The following RAD52 variants were observed in gnomAD, a reference collection of about 807,000 sequenced individuals.
RAD52 encodes the protein RAD52 DNA repair protein, also known as DNA repair protein RAD52 homolog.
Under a neutral mutation model 55.5 loss-of-function variants are expected in RAD52, and 47 were observed. The observed-to-expected ratio is 0.85, with a 90% CI of 0.67 to 1.08. The LOEUF (loss-of-function observed/expected upper bound fraction) is 1.08, where lower values mean the gene tolerates loss of function less well. Ranked by LOEUF, RAD52 falls within the 50% of genes least tolerant of loss-of-function variation. The probability of loss-of-function intolerance (pLI) is 0.00; values close to 1 mark genes in which losing one functional copy is unlikely to be tolerated. For synonymous variants in RAD52, 184 were observed against 198.9 expected (o/e 0.92, Z 0.63); for missense variants, 468 against 522.8 (o/e 0.90, Z 1.02).
At chr12:973,245 A>AT (rs1958891047) in intron 1 of RAD52, among the ~76,000 whole-genome samples, 1 of 150,826 alleles carries the variant, frequency 6.6e-6, no homozygotes, top group Non-Finnish European at 1.5e-5. Flanking sequence ...AAGTTTTTGT[A>AT]TTTTTAGTAG....
At chr12:926,755 C>A (rs945777126) in intron 6 of RAD52, 1 of 1,507,184 alleles carries the variant, frequency 6.6e-7, no homozygotes, top group South Asian at 1.2e-5. Context: ...TGGACTAACA[C>A]GGACATCTGC....
At chr12:991,080 CCCGGGCCG>C (rs1218729014), upstream of RAD52, 2 of 151,598 alleles carry the variant, frequency 1.3e-5, no homozygotes, top group Non-Finnish European at 3.0e-5. Context: ...CCCGGAGGCC[CCCGGGCCG>C]CCGCGTCACG....
At chr12:965,861 A>G (rs1592479332) in intron 1 of RAD52, among the ~76,000 whole-genome samples, 1 of 152,020 alleles carries the variant, frequency 6.6e-6, no homozygotes, top group East Asian at 1.9e-4. Context: ...TAATTTTTGT[A>G]TTTTTAGTAG....
chr12:955,400 A>G (rs577672352), intron 1 of RAD52, among the ~76,000 whole-genome samples: 2 of 152,232 alleles, frequency 1.3e-5, no homozygotes, highest in African/African-American at 4.8e-5. Context: ...TGCTTAGTCA[A>G]TGGCCATGAC....
intron 1 of RAD52, among the ~76,000 whole-genome samples, chr12:987,171 A>G (rs1256757948): frequency 6.6e-6 from 1 of 151,816 alleles, no homozygotes; most frequent in African/African-American, 2.4e-5. Context: ...AGGTTTCACC[A>G]TGTTGGCCAG....
At chr12:990,167 T>C (rs940202898), upstream of RAD52, 2 of 152,122 alleles carry the variant, frequency 1.3e-5, no homozygotes, top group Non-Finnish European at 2.9e-5. Context: ...AAGTGGTTAA[T>C]TACGGTGGCG....
rs377732641 is a variant in RAD52 at position 913,076 on chromosome 12, A to ATTATATTGT, written c.*314_*315insACAATATAA. Reference sequence around the variant, plus strand: ...CTATATTGCTTGAGGGCAAGGAGCCATTGGTGATTCCTAAAATGTCCATCT... The same window carrying ATTATATTGT: ...CTATATTGCTTGAGGGCAAGGAGCCATTATATTGTTTGGTGATTCCTAAAATGTCCATCT... On this transcript the variant is annotated 3_prime_UTR_variant, in exon 12 of 12. Transcript: ENST00000358495. The ATTATATTGT allele has an allele frequency of 0.43, 124,002 of 288,374 alleles. 27,369 individuals are homozygous for ATTATATTGT. Among genetic ancestry groups the ATTATATTGT allele is most frequent in the Admixed American group, 0.52 (10,226 of 19,854 alleles). The allele number at this position is 288,374 out of a possible 1,614,324, so 17.9% of individuals were successfully genotyped here. A position where few individuals can be genotyped will look rare whatever the true frequency, so the allele number is the denominator to read the frequency against.
At chr12:918,269 A>G (rs188158632) in intron 7 of RAD52, among the ~76,000 whole-genome samples, 3 of 152,372 alleles carry the variant, frequency 2.0e-5, no homozygotes, top group Admixed American at 6.5e-5. Flanking sequence ...TTATACAGCA[A>G]TGAAACTGCT....
chr12:924,396 C>T (rs1295649034), intron 7 of RAD52, among the ~76,000 whole-genome samples: 4 of 151,896 alleles, frequency 2.6e-5, no homozygotes, highest in African/African-American at 9.7e-5. Flanking sequence ...GGCGACAGAG[C>T]GAGACTCCGT....
chr12:931,243 G>C lies in RAD52; in HGVS notation c.163C>G (p.Arg55Gly). Residue 55 changes from arginine to glycine, a missense_variant, in exon 3 of 12, where the codon CGC becomes GGC. Arg to Gly is a moderately radical substitution (Grantham distance 125). Coordinates refer to ENST00000358495, the MANE Select transcript of RAD52 (RefSeq NM_134424.4). Reference sequence around the variant, plus strand: ...ACCTTCTGGCCTCCGCCAGCCATGCGGCTACTTATGTATTCTGGGCCCAGC... The same window carrying C: ...ACCTTCTGGCCTCCGCCAGCCATGCCGCTACTTATGTATTCTGGGCCCAGC... ...QRLGPEYISS[R>G]MAGGGQKVCY... The C allele has an allele frequency of 1.9e-6, 3 of 1,612,476 alleles. No individual in the cohort carries two copies. The highest frequency in any genetic ancestry group is 2.5e-6 in the Non-Finnish European group (3 of 1,179,560).
At chr12:924,422 C>CT (rs2154112297) in intron 7 of RAD52, among the ~76,000 whole-genome samples, 1 of 152,270 alleles carries the variant, frequency 6.6e-6, no homozygotes, top group Admixed American at 6.5e-5. Context: ...AAAAAAAAGT[C>CT]TAACAAAATA....
chr12:938,627 G>T (rs1213802362), intron 1 of RAD52, among the ~76,000 whole-genome samples: 13 of 152,196 alleles, frequency 8.5e-5, no homozygotes, highest in Non-Finnish European at 1.5e-4. Flanking sequence ...GAGGTTGCAT[G>T]AGCCAAGATC....
chr12:914,538 G>A lies in RAD52; in HGVS notation c.866-6C>T, dbSNP rs761550695. 2 of 1,613,044 alleles carry A rather than the reference G, an allele frequency of 1.2e-6. No homozygotes were observed. Among genetic ancestry groups the A allele is most frequent in the South Asian group, 1.1e-5 (1 of 91,016 alleles). ...AGGAGGGGCCGGAGGCGCTGCTACG[G>A]TTCACAGAGGAGAGAAAGGACAAGT... On this transcript the variant is annotated splice_polypyrimidine_tract_variant and splice_region_variant and intron_variant, in intron 9 of 11. Coordinates refer to ENST00000358495, the MANE Select transcript of RAD52 (RefSeq NM_134424.4).
chr12:916,843 A>G, intron 7 of RAD52, 23 bp from the exon 8 acceptor site: 1 of 1,587,144 alleles, frequency 6.3e-7, no homozygotes, highest in Non-Finnish European at 8.6e-7. Flanking sequence ...AAGAAAAACA[A>G]ATTCCTTCAA....
Position 913,298 on chromosome 12 carries a change from C to A in RAD52, c.*93G>T. 3 of 946,442 alleles carry A rather than the reference C, an allele frequency of 3.2e-6. No homozygotes were observed. Among genetic ancestry groups the A allele is most frequent in the Non-Finnish European group, 5.0e-6 (3 of 603,928 alleles). The allele number at this position is 946,442 out of a possible 1,614,324, so 58.6% of individuals were successfully genotyped here. ...AAGCAAGATAAATCGCAATGACGTT[C>A]ATTCTCCAGCAGCGATGAACAATTT... is the stretch of plus-strand genomic sequence containing the variant. On this transcript the variant is annotated 3_prime_UTR_variant, in exon 12 of 12. Transcript: ENST00000358495.
intron 1 of RAD52, among the ~76,000 whole-genome samples, chr12:977,269 C>T (rs577341734): frequency 2.0e-5 from 3 of 152,322 alleles, no homozygotes; most frequent in Admixed American, 2.0e-4. Context: ...CTAATTGCTG[C>T]ATGTGCAATG....
intron 2 of RAD52, among the ~76,000 whole-genome samples, chr12:932,572 T>G (rs1957376522): frequency 6.6e-6 from 1 of 152,190 alleles, no homozygotes; most frequent in South Asian, 2.1e-4. Context: ...AGTTTCATTT[T>G]GAATTTGATG....
chr12:987,172 T>C (rs976155743), intron 1 of RAD52, among the ~76,000 whole-genome samples: 8 of 152,026 alleles, frequency 5.3e-5, no homozygotes, highest in Non-Finnish European at 1.2e-4. Flanking sequence ...GGTTTCACCA[T>C]GTTGGCCAGG....
intron 1 of RAD52, among the ~76,000 whole-genome samples, chr12:967,718 C>T (rs75400626): frequency 6.2e-4 from 94 of 152,166 alleles, no homozygotes; most frequent in Middle Eastern, 3.4e-3. Context: ...GATCCTCCCT[C>T]CTCAACCTCT....
Sources: gnomAD v4.1 joint callset for allele counts (sites outside exome capture counted in the v4.1 genomes callset) on GRCh38, gnomAD v4.1.1 for gene constraint, MANE v1.5 for transcripts, NCBI Gene and HGNC (gene_info 2026-07-23, HGNC 2026-07-21) for gene names.